NTM: variants seen among roughly 807,000 people sequenced by gnomAD.
NTM encodes neurotrimin.
In NTM, 13 loss-of-function variants were observed where a neutral mutation model predicts 42.1. That is an observed-to-expected ratio of 0.31 (90% CI 0.20 to 0.49). The LOEUF (loss-of-function observed/expected upper bound fraction) is 0.49, where lower values mean the gene tolerates loss of function less well. Ranked by LOEUF, NTM falls within the 20% of genes least tolerant of loss-of-function variation. NTM has a pLI of 0.99. For synonymous variants in NTM, 187 were observed against 179.2 expected (o/e 1.04, Z -0.35); for missense variants, 373 against 452.8 (o/e 0.82, Z 1.60).
intron 3 of NTM, among the ~76,000 whole-genome samples, chr11:132,182,528 A>G (rs1467291637): frequency 6.6e-6 from 1 of 152,224 alleles, no homozygotes; most frequent in African/African-American, 2.4e-5. Flanking sequence ...GGTGTAAAGC[A>G]TTGTGTATGC....
chr11:132,213,732 T>TGACACTGTAACTGTGAACAAGGGG (rs1592264155), intron 4 of NTM, among the ~76,000 whole-genome samples: 1 of 96,938 alleles, frequency 1.0e-5, no homozygotes, highest in Admixed American at 1.0e-4. Flanking sequence ...CCACCATTCT[T>TGACACTGTAACTGTGAACAAGGGG]TTTTTTTTTT....
At chr11:131,850,210 G>T (rs1450172861) in intron 1 of NTM, among the ~76,000 whole-genome samples, 2 of 152,142 alleles carry the variant, frequency 1.3e-5, no homozygotes, top group Non-Finnish European at 2.9e-5. Context: ...GTTTGGGTTA[G>T]CAAACTGATG....
intron 1 of NTM, among the ~76,000 whole-genome samples, chr11:131,857,663 CCTT>C (rs879472901): frequency 4.6e-5 from 7 of 152,122 alleles, no homozygotes; most frequent in African/African-American, 1.2e-4. Context: ...CAGGATTTCT[CCTT>C]CTCCCTCACC....
intron 1 of NTM, among the ~76,000 whole-genome samples, chr11:131,483,185 A>G (rs1325946661): frequency 6.6e-6 from 1 of 152,228 alleles, no homozygotes; most frequent in Non-Finnish European, 1.5e-5. Flanking sequence ...AGAAGCTCAA[A>G]CAGGGAGAGT....
chr11:132,210,672 A>C (rs957419169), intron 3 of NTM, among the ~76,000 whole-genome samples: 6 of 152,224 alleles, frequency 3.9e-5, no homozygotes, highest in African/African-American at 1.4e-4. Context: ...TAAAGCTGAG[A>C]CTGGAGAATT....
chr11:131,450,986 C>T (rs1323994572), intron 1 of NTM, among the ~76,000 whole-genome samples: 2 of 152,110 alleles, frequency 1.3e-5, no homozygotes, highest in Non-Finnish European at 2.9e-5. Context: ...TCCTCAAACT[C>T]TCTTGGACAA....
intron 1 of NTM, among the ~76,000 whole-genome samples, chr11:131,484,529 G>A (rs1953950969): frequency 6.6e-6 from 1 of 152,214 alleles, no homozygotes; most frequent in South Asian, 2.1e-4. Flanking sequence ...TGAGGGGGCT[G>A]AGGCAAGGGG....
At chr11:131,924,167 G>A (rs2057623290) in intron 2 of NTM, among the ~76,000 whole-genome samples, 1 of 152,210 alleles carries the variant, frequency 6.6e-6, no homozygotes. Context: ...GCTGACACTG[G>A]TGCACACTCT....
intron 1 of NTM, among the ~76,000 whole-genome samples, chr11:131,643,228 G>A (rs992986481): frequency 6.6e-6 from 1 of 152,132 alleles, no homozygotes; most frequent in African/African-American, 2.4e-5. Flanking sequence ...TAATTAAATG[G>A]CACAGCTCAG....
intron 1 of NTM, among the ~76,000 whole-genome samples, chr11:131,755,361 G>A (rs1472444177): frequency 6.6e-6 from 1 of 152,076 alleles, no homozygotes; most frequent in Non-Finnish European, 1.5e-5. Context: ...GTGGAAGGGA[G>A]AACAATGACC....
chr11:131,595,404 C>T (rs1304851124), intron 1 of NTM, among the ~76,000 whole-genome samples: 1 of 152,200 alleles, frequency 6.6e-6, no homozygotes, highest in Non-Finnish European at 1.5e-5. Context: ...TGCAAGTGCT[C>T]AGCTTATGTG....
At chr11:132,307,574 C>T (rs1172422393) in intron 4 of NTM, 115 bp from the exon 5 acceptor site, 1 of 1,440,092 alleles carries the variant, frequency 6.9e-7, no homozygotes, top group African/African-American at 1.4e-5. Flanking sequence ...AGAATCTGAA[C>T]TTACAACTGG....
At chr11:131,715,292 G>A (rs555141311) in intron 1 of NTM, among the ~76,000 whole-genome samples, 162 of 152,288 alleles carry the variant, frequency 1.1e-3, no homozygotes, top group African/African-American at 3.5e-3. Context: ...TAAATCATAA[G>A]TTTCTTGTGT....
intron 1 of NTM, among the ~76,000 whole-genome samples, chr11:131,562,902 G>T (rs2056416668): frequency 6.6e-6 from 1 of 152,132 alleles, no homozygotes; most frequent in Non-Finnish European, 1.5e-5. Context: ...ATGCTTAGTG[G>T]ACTGGAATTC....
chr11:131,564,869 A>T (rs2056690761), intron 1 of NTM, among the ~76,000 whole-genome samples: 1 of 125,704 alleles, frequency 8.0e-6, no homozygotes. Flanking sequence ...ACACACACAT[A>T]CACACACACA....
At chr11:131,559,493 C>T (rs982793112) in intron 1 of NTM, among the ~76,000 whole-genome samples, 3 of 152,144 alleles carry the variant, frequency 2.0e-5, no homozygotes, top group African/African-American at 7.2e-5. Flanking sequence ...CACACAGTCT[C>T]AAATTTGTTA....
intron 4 of NTM, among the ~76,000 whole-genome samples, chr11:132,231,641 A>G (rs2087578405): frequency 6.6e-6 from 1 of 152,218 alleles, no homozygotes; most frequent in African/African-American, 2.4e-5. Flanking sequence ...GTGATGGTCC[A>G]GTCTTGAACT....
At chr11:131,591,601 A>T (rs1434981396) in intron 1 of NTM, among the ~76,000 whole-genome samples, 2 of 152,184 alleles carry the variant, frequency 1.3e-5, no homozygotes, top group Non-Finnish European at 2.9e-5. Context: ...AAGGCTTGAG[A>T]TTTGCTCCCC....
intron 1 of NTM, among the ~76,000 whole-genome samples, chr11:131,619,209 C>T (rs562390132): frequency 6.6e-6 from 1 of 152,240 alleles, no homozygotes; most frequent in African/African-American, 2.4e-5. Flanking sequence ...AGTGGCAAAG[C>T]CCGAATAAGG....
Sources: allele counts gnomAD v4.1 joint callset (sites outside exome capture counted in the v4.1 genomes callset), GRCh38; gene constraint gnomAD v4.1.1; transcripts MANE v1.5; gene names NCBI Gene and HGNC (gene_info 2026-07-23, HGNC 2026-07-21).